ITGA1: variants seen among roughly 807,000 people sequenced by gnomAD.
ITGA1 encodes the protein integrin alpha-1.
In ITGA1, 85 loss-of-function variants were observed where a neutral mutation model predicts 145.9. That is an observed-to-expected ratio of 0.58 (90% confidence interval 0.49 to 0.70). ITGA1 has a LOEUF of 0.70. Ranked by LOEUF, ITGA1 falls within the 30% of genes least tolerant of loss-of-function variation. ITGA1 has a pLI of 0.00. For missense variants in ITGA1, 1,351 were observed against 1,418.7 expected (o/e 0.95, Z 0.77); for synonymous variants, 520 against 495.3 (o/e 1.05, Z -0.66).
At chr5:52,801,935 C>T (rs1748497374) in intron 1 of ITGA1, 6 of 850,730 alleles carry the variant, frequency 7.1e-6, no homozygotes, top group South Asian at 1.8e-5. Flanking sequence ...AAGAATGGCA[C>T]TTTTTGATTC....
At chr5:52,821,064 A>G (rs1748871982) in intron 1 of ITGA1, among the ~76,000 whole-genome samples, 1 of 152,152 alleles carries the variant, frequency 6.6e-6, no homozygotes, top group African/African-American at 2.4e-5. Flanking sequence ...ATTGTATGAA[A>G]CAATTATGTA....
intron 1 of ITGA1, among the ~76,000 whole-genome samples, chr5:52,812,918 T>C (rs1480143853): frequency 7.5e-6 from 1 of 132,654 alleles, no homozygotes; most frequent in African/African-American, 3.2e-5. Context: ...ACCAAAGCTG[T>C]CTGTCAGAGA....
At chr5:52,815,719 T>C (rs141221254) in intron 1 of ITGA1, among the ~76,000 whole-genome samples, 126 of 152,334 alleles carry the variant, frequency 8.3e-4, no homozygotes, top group South Asian at 3.9e-3. Context: ...TACTTAGCAA[T>C]CATCTTTTCC....
At chr5:52,791,562 C>T (rs11750032) in intron 1 of ITGA1, among the ~76,000 whole-genome samples, 9,583 of 152,270 alleles carry the variant, frequency 0.063, 384 homozygotes, top group Non-Finnish European at 0.082. Flanking sequence ...ATCCAACCTT[C>T]CAGAGAACAA....
chr5:52,839,971 G>A (rs1313096141), intron 1 of ITGA1, among the ~76,000 whole-genome samples: 2 of 152,118 alleles, frequency 1.3e-5, no homozygotes, highest in African/African-American at 4.8e-5. Context: ...CTGTTAAATA[G>A]TATAGGAGAA....
At chr5:52,869,724 A>C (rs1279455072) in intron 6 of ITGA1, among the ~76,000 whole-genome samples, 1 of 152,118 alleles carries the variant, frequency 6.6e-6, no homozygotes, top group Admixed American at 6.6e-5. Flanking sequence ...TTTTTCTCTG[A>C]TTATTGGACA....
chr5:52,947,960 T>A (rs1751160513), intron 28 of ITGA1, among the ~76,000 whole-genome samples: 1 of 152,178 alleles, frequency 6.6e-6, no homozygotes, highest in African/African-American at 2.4e-5. Flanking sequence ...ATATGGCACA[T>A]TTTATGTAAT....
At chr5:52,922,072 G>A (rs1451263143) in intron 17 of ITGA1, among the ~76,000 whole-genome samples, 3 of 152,080 alleles carry the variant, frequency 2.0e-5, no homozygotes, top group Non-Finnish European at 4.4e-5. Flanking sequence ...AGGCTGAGGT[G>A]AGTGGATCAC....
At chr5:52,835,239 A>G (rs1383385415) in intron 1 of ITGA1, among the ~76,000 whole-genome samples, 1 of 152,218 alleles carries the variant, frequency 6.6e-6, no homozygotes, top group East Asian at 1.9e-4. Context: ...CTAGGCGTTG[A>G]GAATGAGAAT....
rs1162743724 is a variant in ITGA1, at chr5:52,897,461, C to A, written c.1097C>A (p.Ala366Asp). ...GERIFALEAT[A>D]DQSAASFEME... ...ATATTTTCCTATGTTATAGCCACAGCTGACCAGTCAGCAGCTTCATTTGAA... is the reference window on the plus strand; with the variant it reads ...ATATTTTCCTATGTTATAGCCACAGATGACCAGTCAGCAGCTTCATTTGAA... Residue 366 changes from alanine to aspartate, a missense_variant, in exon 10 of 29, where the codon GCT (alanine) becomes GAT (aspartate). Physicochemically the swap from Ala to Asp is moderately radical, Grantham distance 126. Transcript: ENST00000282588. The A allele has an allele frequency of 6.2e-7, 1 of 1,610,358 alleles. No homozygotes were observed. The highest frequency in any genetic ancestry group is 1.3e-5 in the African/African-American group (1 of 74,930).
At chr5:52,811,410 G>A (rs569349989) in intron 1 of ITGA1, among the ~76,000 whole-genome samples, 9 of 152,232 alleles carry the variant, frequency 5.9e-5, no homozygotes, top group South Asian at 4.2e-4. Context: ...TTATTTTTGC[G>A]ATCATGTCTT....
intron 11 of ITGA1, chr5:52,903,444 T>C (rs1414376287): frequency 6.6e-6 from 1 of 152,194 alleles, no homozygotes; most frequent in Non-Finnish European, 1.5e-5. Context: ...TTAGATTCTA[T>C]TATGTATAAT....
In ITGA1 at chr5:52,922,011, A is replaced by C. The variant is rs183814089; in HGVS notation, c.2293-766A>C. On this transcript the variant is annotated intron_variant, in intron 17 of 28. Transcript: ENST00000282588. ...CCTTTCCAAATAATTTTACATTATAAAATTCTTGGCCAGGCATGGTGGCTC... is the reference window on the plus strand; with the variant it reads ...CCTTTCCAAATAATTTTACATTATACAATTCTTGGCCAGGCATGGTGGCTC... Among the ~76,000 whole-genome samples, 45 of 152,306 alleles carry C rather than the reference A, an allele frequency of 3.0e-4. 1 individual carries two copies. In the East Asian group the frequency reaches 5.6e-3, roughly 19 times the overall value.
chr5:52,882,495 T>C (rs1456228070), intron 7 of ITGA1, among the ~76,000 whole-genome samples: 1 of 152,028 alleles, frequency 6.6e-6, no homozygotes, highest in Non-Finnish European at 1.5e-5. Flanking sequence ...CCAAATTAAA[T>C]ATTGTCTATT....
At chr5:52,800,091 C>T (rs886694100) in intron 1 of ITGA1, 8 of 363,346 alleles carry the variant, frequency 2.2e-5, no homozygotes, top group Non-Finnish European at 3.5e-5. Context: ...TGCGCATGCG[C>T]CTTCATTTCG....
At chr5:52,937,666 G>A (rs543804406) in intron 24 of ITGA1, 152 bp downstream of exon 24, 35 of 619,020 alleles carry the variant, frequency 5.7e-5, no homozygotes, top group African/African-American at 4.8e-4. Context: ...AATAATAGAT[G>A]TATTATTCCC....
chr5:52,790,348 C>G (rs1748214491), intron 1 of ITGA1, among the ~76,000 whole-genome samples: 1 of 152,222 alleles, frequency 6.6e-6, no homozygotes, highest in South Asian at 2.1e-4. Flanking sequence ...TCCTACTACT[C>G]CTATGTCAGT....
intron 1 of ITGA1, among the ~76,000 whole-genome samples, chr5:52,830,562 G>A (rs1456068197): frequency 1.3e-5 from 2 of 152,072 alleles, no homozygotes; most frequent in African/African-American, 2.4e-5. Flanking sequence ...TTGGTAAAAG[G>A]TTAAAAATTA....
intron 8 of ITGA1, among the ~76,000 whole-genome samples, chr5:52,889,086 TTGCTGCTC>T (rs1750101135): frequency 7.2e-6 from 1 of 139,508 alleles, no homozygotes; most frequent in Admixed American, 7.3e-5. Flanking sequence ...AGTATTTCAG[TTGCTGCTC>T]TAAACTACTA....
Sources: gnomAD v4.1 joint callset for allele counts (sites outside exome capture counted in the v4.1 genomes callset) on GRCh38, gnomAD v4.1.1 for gene constraint, MANE v1.5 for transcripts, NCBI Gene and HGNC (gene_info 2026-07-23, HGNC 2026-07-21) for gene names.